ADAMTS17: variants seen among roughly 807,000 people sequenced by gnomAD.
ADAMTS17 encodes A disintegrin and metalloproteinase with thrombospondin motifs 17.
In ADAMTS17, 113 loss-of-function variants were observed where a neutral mutation model predicts 141.5. The ratio of observed to expected loss-of-function variants is 0.80; its 90% confidence interval spans 0.69 to 0.93. The LOEUF is 0.93. Ranked by LOEUF, ADAMTS17 falls within the 40% of genes least tolerant of loss-of-function variation. The pLI is 0.00. For missense variants in ADAMTS17, 1,659 were observed against 1,517.9 expected, an observed-to-expected ratio of 1.09 and a Z score of -1.54; for synonymous variants, 768 against 630.6, an observed-to-expected ratio of 1.22 and a Z score of -3.27.
chr15:100,068,120 C>G (rs4965578), intron 15 of ADAMTS17, among the ~76,000 whole-genome samples: 1 of 152,008 alleles, frequency 6.6e-6, no homozygotes, highest in Non-Finnish European at 1.5e-5. Flanking sequence ...GCGCATGTCT[C>G]GGAGGGTCCT....
At chr15:100,194,327 T>C (rs950768697) in intron 8 of ADAMTS17, among the ~76,000 whole-genome samples, 19 of 152,276 alleles carry the variant, frequency 1.2e-4, no homozygotes, top group Admixed American at 2.6e-4. Flanking sequence ...CAGCTCCTCC[T>C]ACCAGGCACC....
At chr15:100,048,760 G>A (rs2031908750) in intron 18 of ADAMTS17, 97 bp downstream of exon 18, 8 of 1,544,640 alleles carry the variant, frequency 5.2e-6, no homozygotes, top group Non-Finnish European at 6.2e-6. Flanking sequence ...ACAGCATAGA[G>A]CAGTACTGTG....
chr15:100,046,930 A>C lies in ADAMTS17; in HGVS notation c.2591+1927T>G, dbSNP rs182238119. 1.7e-3 allele frequency among the ~76,000 whole-genome samples: 257 copies of C among 152,138 alleles called. 7 individuals are homozygous for C. Among genetic ancestry groups the C allele is most frequent in the Admixed American group, 0.015 (226 of 15,296 alleles). The stretch of plus-strand genomic sequence containing the variant: ...CAGGGAACAAGAGAGATAACCTTAA[A>C]CTCTGACTGCCGGTGAGCCAGGCAG... On this transcript the variant is annotated intron_variant, in intron 18 of 21. Coordinates refer to ENST00000268070, the MANE Select transcript of ADAMTS17 (RefSeq NM_139057.4).
At chr15:99,987,459 T>A (rs552811012) in intron 20 of ADAMTS17, among the ~76,000 whole-genome samples, 1 of 152,218 alleles carries the variant, frequency 6.6e-6, no homozygotes, top group Non-Finnish European at 1.5e-5. Flanking sequence ...GCACTTTGTC[T>A]GCTGCCTTCA....
chr15:100,009,745 C>T (rs980821805), intron 18 of ADAMTS17, among the ~76,000 whole-genome samples: 5 of 152,178 alleles, frequency 3.3e-5, no homozygotes, highest in Non-Finnish European at 5.9e-5. Flanking sequence ...TCTATGTGGA[C>T]GGTCCGAACC....
Position 99,973,046 on chromosome 15 carries a change from T to G in ADAMTS17, c.*1356A>C, listed in dbSNP as rs537584407. On this transcript the variant is annotated 3_prime_UTR_variant, in exon 22 of 22. Coordinates refer to ENST00000268070, the MANE Select transcript of ADAMTS17 (RefSeq NM_139057.4). ...ACCAAGTTGGTGAGCAAAACAGGCCTCCTGGCATCTAGGGTCCCTGCCCGG... is the reference window on the plus strand; with the variant it reads ...ACCAAGTTGGTGAGCAAAACAGGCCGCCTGGCATCTAGGGTCCCTGCCCGG... The G allele has an allele frequency of 1.3e-5, 2 of 152,090 alleles. No individual in the cohort carries two copies. The highest frequency in any genetic ancestry group is 6.6e-5 in the Admixed American group (1 of 15,260). 9.4% of individuals were successfully genotyped at this position (152,090 alleles called of 1,614,324 possible). A position where few individuals can be genotyped will look rare whatever the true frequency, so the allele number is the denominator to read the frequency against.
intron 8 of ADAMTS17, among the ~76,000 whole-genome samples, chr15:100,157,306 G>A (rs534410976): frequency 3.0e-4 from 46 of 152,250 alleles, no homozygotes; most frequent in African/African-American, 1.1e-3. Context: ...CGTCCTCAAA[G>A]AAGAGGCTTT....
chr15:100,035,135 G>C (rs776660155), intron 18 of ADAMTS17, among the ~76,000 whole-genome samples: 1 of 152,156 alleles, frequency 6.6e-6, no homozygotes, highest in Admixed American at 6.5e-5. Flanking sequence ...TTTCAAAAGA[G>C]CAATACCTTT....
intron 21 of ADAMTS17, among the ~76,000 whole-genome samples, chr15:99,975,515 C>T (rs374889487): frequency 4.6e-5 from 7 of 152,012 alleles, no homozygotes; most frequent in Non-Finnish European, 7.4e-5. Flanking sequence ...CCAGCCAGAT[C>T]TTTAAGTGCT....
intron 7 of ADAMTS17, among the ~76,000 whole-genome samples, chr15:100,209,747 G>A (rs117506109): frequency 3.3e-5 from 5 of 152,226 alleles, no homozygotes; most frequent in East Asian, 1.9e-4. Context: ...CAGAATCATC[G>A]CCAGCGTGGC....
At chr15:100,099,174 T>C (rs2035946370) in intron 14 of ADAMTS17, among the ~76,000 whole-genome samples, 1 of 152,172 alleles carries the variant, frequency 6.6e-6, no homozygotes, top group South Asian at 2.1e-4. Context: ...CTGGAGACCA[T>C]CCAGGGGCTG....
At chr15:100,266,355 G>A (rs527348192) in intron 4 of ADAMTS17, among the ~76,000 whole-genome samples, 36 of 152,364 alleles carry the variant, frequency 2.4e-4, no homozygotes, top group Middle Eastern at 3.4e-3. Context: ...CCAGAGTGCT[G>A]CTGGGCGCCT....
chr15:100,251,619 G>A (rs577567529), intron 7 of ADAMTS17, among the ~76,000 whole-genome samples: 5 of 152,252 alleles, frequency 3.3e-5, no homozygotes, highest in Non-Finnish European at 5.9e-5. Flanking sequence ...CAGCTACTCA[G>A]GAGGCTGAGG....
chr15:100,340,878 G>A (rs767319341), intron 2 of ADAMTS17, 161 bp downstream of exon 2: 3 of 1,153,188 alleles, frequency 2.6e-6, no homozygotes, highest in Non-Finnish European at 3.6e-6. Context: ...GGTACCGAAG[G>A]CCGGGGTGGG....
chr15:100,232,625 G>C (rs1021255525), intron 7 of ADAMTS17, among the ~76,000 whole-genome samples: 1 of 152,214 alleles, frequency 6.6e-6, no homozygotes, highest in African/African-American at 2.4e-5. Flanking sequence ...GGGCTCTGGC[G>C]GTAAGTGCAG....
intron 8 of ADAMTS17, among the ~76,000 whole-genome samples, chr15:100,180,958 A>G (rs560128218): frequency 3.3e-5 from 5 of 152,288 alleles, no homozygotes; most frequent in Admixed American, 2.6e-4. Flanking sequence ...AGAGCCAGGC[A>G]CTGGAGTCAA....
At chr15:100,309,682 C>T (rs891632618) in intron 3 of ADAMTS17, among the ~76,000 whole-genome samples, 2 of 152,196 alleles carry the variant, frequency 1.3e-5, no homozygotes, top group African/African-American at 4.8e-5. Flanking sequence ...CACGTGAAGC[C>T]CAGCAGTTTC....
chr15:100,266,308 C>G (rs2043714030), intron 4 of ADAMTS17, among the ~76,000 whole-genome samples: 1 of 152,208 alleles, frequency 6.6e-6, no homozygotes, highest in Admixed American at 6.5e-5. Flanking sequence ...ACACACAAAA[C>G]CAGCACAGCA....
At position 100,219,776 on chromosome 15, in the gene ADAMTS17, T is replaced by A. The variant is rs116079423; in HGVS notation, c.1076-20353A>T. On this transcript the variant is annotated intron_variant, in intron 7 of 21. Transcript: ENST00000268070. Reference sequence around the variant, plus strand: ...GCCCCTTCATCTGACCTGGGAATGCTAGAAACCTGGAAGCATTCAGAAGTC... The same window carrying A: ...GCCCCTTCATCTGACCTGGGAATGCAAGAAACCTGGAAGCATTCAGAAGTC... Among the ~76,000 whole-genome samples, 783 of 152,326 alleles carry A rather than the reference T, an allele frequency of 5.1e-3. 9 individuals are homozygous for A. The highest frequency in any genetic ancestry group is 0.018 in the African/African-American group (766 of 41,572).
Sources: allele counts gnomAD v4.1 joint callset (sites outside exome capture counted in the v4.1 genomes callset), GRCh38; gene constraint gnomAD v4.1.1; transcripts MANE v1.5; gene names NCBI Gene and HGNC (gene_info 2026-07-23, HGNC 2026-07-21).